The following MAPK9 variants were observed in gnomAD, a reference collection of about 807,000 sequenced individuals.
MAPK9 encodes the protein mitogen-activated protein kinase 9, also known as Jun kinase.
In MAPK9, 30 loss-of-function variants were observed where a neutral mutation model predicts 57.1. The observed-to-expected ratio is 0.53, with a 90% CI of 0.39 to 0.71. The LOEUF (loss-of-function observed/expected upper bound fraction) is 0.71, where lower values mean the gene tolerates loss of function less well. MAPK9 is among the 30% of genes least tolerant of loss of function. MAPK9 has a pLI of 0.00. For synonymous variants in MAPK9, 155 were observed against 177.0 expected, an observed-to-expected ratio of 0.88 and a Z score of 0.99; for missense variants, 362 against 521.0, an observed-to-expected ratio of 0.69 and a Z score of 2.97.
At chr5:180,260,316 T>C (rs915574687) in intron 5 of MAPK9, among the ~76,000 whole-genome samples, 9 of 152,238 alleles carry the variant, frequency 5.9e-5, no homozygotes, top group Admixed American at 2.6e-4. Context: ...ATTCTGTATC[T>C]AAACCCTAGT....
chr5:180,272,821 A>G (rs1163130787), intron 2 of MAPK9, among the ~76,000 whole-genome samples: 1 of 152,198 alleles, frequency 6.6e-6, no homozygotes, highest in Non-Finnish European at 1.5e-5. Flanking sequence ...GCAGCTCCGG[A>G]TCCCCTATGC....
chr5:180,248,859 G>A (rs751411786), intron 6 of MAPK9, 114 bp downstream of exon 6: 1 of 1,045,172 alleles, frequency 9.6e-7, no homozygotes, highest in Admixed American at 2.8e-5. Context: ...TATTCTGGGT[G>A]TAACAGTCCC....
intron 2 of MAPK9, among the ~76,000 whole-genome samples, chr5:180,276,413 C>T (rs34808895): frequency 0.011 from 1,677 of 152,084 alleles, 28 homozygotes; most frequent in African/African-American, 0.038. Flanking sequence ...TTTGGCCAAA[C>T]TTGAGATTTT....
chr5:180,287,454 C>G (rs1486174709), intron 1 of MAPK9, among the ~76,000 whole-genome samples: 1 of 152,178 alleles, frequency 6.6e-6, no homozygotes, highest in Admixed American at 6.5e-5. Flanking sequence ...GTGCAGTGAT[C>G]ACACCATTCT....
chr5:180,234,113 T>C lies in MAPK9; in HGVS notation c.*2271A>G, dbSNP rs1288554824. On this transcript the variant is annotated 3_prime_UTR_variant, in exon 12 of 12. Transcript: ENST00000452135. ...AAACCTAGTCTAAATTCCAGGATAA[T>C]AGTAAATTACCTGGTTTATAAAAAT... 6.6e-6 allele frequency: 1 copy of C among 152,192 alleles called. No individual in the cohort carries two copies. The highest frequency in any genetic ancestry group is 6.5e-5 in the Admixed American group (1 of 15,282). 9.4% of individuals were successfully genotyped at this position (152,192 alleles called of 1,614,324 possible).
At chr5:180,271,983 C>T (rs1761369893) in intron 2 of MAPK9, among the ~76,000 whole-genome samples, 1 of 152,216 alleles carries the variant, frequency 6.6e-6, no homozygotes, top group Admixed American at 6.5e-5. Flanking sequence ...CACATCTTAG[C>T]TTCTCACATT....
chr5:180,291,804 G>A (rs4438839), intron 1 of MAPK9, 44 bp downstream of exon 1: 4,971 of 148,214 alleles, frequency 0.034, 199 homozygotes, highest in East Asian at 0.13. Context: ...CGCGGGCCCG[G>A]CCCGAGCAGC....
intron 5 of MAPK9, among the ~76,000 whole-genome samples, chr5:180,249,784 C>T (rs1758491235): frequency 6.6e-6 from 1 of 152,142 alleles, no homozygotes; most frequent in African/African-American, 2.4e-5. Flanking sequence ...ATTATCATTT[C>T]AAAATGTAAT....
intron 2 of MAPK9, among the ~76,000 whole-genome samples, chr5:180,271,792 G>C (rs1761349309): frequency 6.6e-6 from 1 of 152,120 alleles, no homozygotes; most frequent in African/African-American, 2.4e-5. Flanking sequence ...CCAGGATCAA[G>C]GACAAAGGAT....
At position 180,233,613 on chromosome 5, in the gene MAPK9, T is replaced by C. The variant is rs1756983785; in HGVS notation, c.*2771A>G. 6.6e-6 allele frequency: 1 copy of C among 152,230 alleles called. No individual in the cohort carries two copies. The highest frequency in any genetic ancestry group is 6.5e-5 in the Admixed American group (1 of 15,280). 9.4% of individuals were successfully genotyped at this position (152,230 alleles called of 1,614,324 possible). On this transcript the variant is annotated 3_prime_UTR_variant, in exon 12 of 12. Transcript: ENST00000452135. ...TATACATTTATCTTTTAAAATGTAG[T>C]CTGTATTATTTTCACCAACCAAAAC... is the stretch of plus-strand genomic sequence containing the variant.
intron 8 of MAPK9, among the ~76,000 whole-genome samples, chr5:180,242,046 T>C (rs1318752689): frequency 6.6e-6 from 1 of 152,176 alleles, no homozygotes; most frequent in Non-Finnish European, 1.5e-5. Flanking sequence ...TTCAATAACT[T>C]AGTTAAATAT....
chr5:180,263,879 G>C (rs1033721937), intron 4 of MAPK9, among the ~76,000 whole-genome samples: 13 of 151,846 alleles, frequency 8.6e-5, no homozygotes, highest in Admixed American at 2.6e-4. Flanking sequence ...CTGATTTTTT[G>C]TATTTTTAGT....
At chr5:180,260,151 C>T (rs577088313) in intron 5 of MAPK9, among the ~76,000 whole-genome samples, 1 of 152,284 alleles carries the variant, frequency 6.6e-6, no homozygotes, top group Non-Finnish European at 1.5e-5. Context: ...GTGGTAGTGT[C>T]TTCAGTCTTT....
In MAPK9 at chr5:180,280,460, A is replaced by G. The variant is rs771827952; in HGVS notation, c.102T>C (p.Ser34=). 1 of 1,614,054 alleles carries G rather than the reference A, an allele frequency of 6.2e-7. No homozygotes were observed. The highest frequency in any genetic ancestry group is 1.3e-5 in the African/African-American group (1 of 74,928). The part of the protein sequence containing the change: ...KRYQQLKPIG[S]GAQGIVCAAF... Reference sequence around the variant, plus strand: ...CTTACCAAACAATCCCTTGGGCCCCAGAGCCAATTGGTTTCAGCTGCTGGT... The same window carrying G: ...CTTACCAAACAATCCCTTGGGCCCCGGAGCCAATTGGTTTCAGCTGCTGGT... Residue 34 remains serine, a synonymous_variant, in exon 2 of 12, where the codon TCT becomes TCC. Coordinates refer to ENST00000452135, the MANE Select transcript of MAPK9 (RefSeq NM_002752.5).
At position 180,284,695 on chromosome 5, in the gene MAPK9, T is replaced by G. The variant is rs547781271; in HGVS notation, c.-47-4087A>C. ...ATCCAAACATATTTGTGCAAGCATG[T>G]TTGTAACACTTCTTGTAACAGGCAA... On this transcript the variant is annotated intron_variant, in intron 1 of 11. Coordinates refer to ENST00000452135, the MANE Select transcript of MAPK9 (RefSeq NM_002752.5). 8.9e-3 allele frequency among the ~76,000 whole-genome samples: 1,351 copies of G among 152,348 alleles called. 16 individuals carry two copies. Among genetic ancestry groups the G allele is most frequent in the African/African-American group, 0.031 (1,277 of 41,576 alleles).
intron 2 of MAPK9, chr5:180,279,722 C>A (rs753643375): frequency 1.7e-4 from 67 of 383,468 alleles, no homozygotes; most frequent in Non-Finnish European, 2.9e-4. Flanking sequence ...AAAAGTTCTG[C>A]CCAGAAAAAT....
At chr5:180,261,070 T>C (rs1759902944) in intron 5 of MAPK9, among the ~76,000 whole-genome samples, 1 of 152,232 alleles carries the variant, frequency 6.6e-6, no homozygotes, top group African/African-American at 2.4e-5. Flanking sequence ...ATTAAATGTT[T>C]TTCCTGACAG....
chr5:180,247,939 A>T lies in MAPK9; in HGVS notation c.617-429T>A, dbSNP rs777749895. 3.6e-5 allele frequency: 58 copies of T among 1,611,844 alleles called. No homozygotes were observed. The highest frequency in any genetic ancestry group is 4.8e-5 in the Non-Finnish European group (57 of 1,179,288). On this transcript the variant is annotated intron_variant, in intron 6 of 11. Coordinates refer to ENST00000452135, the MANE Select transcript of MAPK9 (RefSeq NM_002752.5). The surrounding 1 kb of genome is among the most constrained non-coding windows in gnomAD (Gnocchi z 4.5). Reference sequence around the variant, plus strand: ...GACCAGATGTCCACTACCAAACACCAGGGGATTAAAAACCAGCTAGAGTCC... The same window carrying T: ...GACCAGATGTCCACTACCAAACACCTGGGGATTAAAAACCAGCTAGAGTCC...
At chr5:180,278,704 A>AAGGC (rs1158112712) in intron 2 of MAPK9, among the ~76,000 whole-genome samples, 1 of 151,988 alleles carries the variant, frequency 6.6e-6, no homozygotes, top group Non-Finnish European at 1.5e-5. Context: ...TCTCAAAAAA[A>AAGGC]TAAATAAATA....
Sources: allele counts gnomAD v4.1 joint callset (sites outside exome capture counted in the v4.1 genomes callset), GRCh38; gene constraint gnomAD v4.1.1; non-coding constraint Gnocchi (gnomAD v3.1); transcripts MANE v1.5; gene names NCBI Gene and HGNC (gene_info 2026-07-23, HGNC 2026-07-21).